Variants in WDR7 observed in about 807,000 individuals in gnomAD.
The protein encoded by WDR7 is WD repeat domain 7.
WDR7 carries 46 observed loss-of-function variants against 169.4 expected under a neutral mutation model. The observed-to-expected ratio is 0.27, with a 90% confidence interval of 0.21 to 0.35. The LOEUF is 0.35. Ranked by LOEUF, WDR7 falls within the 10% of genes least tolerant of loss-of-function variation. WDR7 has a pLI of 1.00. For synonymous variants in WDR7, 612 were observed against 666.8 expected, an observed-to-expected ratio of 0.92 and a Z score of 1.27; for missense variants, 1,534 against 1,859.3, an observed-to-expected ratio of 0.83 and a Z score of 3.22.
chr18:56,971,270 A>G lies in WDR7; in HGVS notation c.4164+8741A>G, dbSNP rs2047480719. 1.4e-5 allele frequency among the ~76,000 whole-genome samples: 2 copies of G among 147,370 alleles called. 1 individual carries two copies. The highest frequency in any genetic ancestry group is 4.3e-4 in the South Asian group (2 of 4,606). On this transcript the variant is annotated intron_variant, in intron 26 of 27. Coordinates refer to ENST00000254442, the MANE Select transcript of WDR7 (RefSeq NM_015285.3). Reference sequence around the variant, plus strand: ...CTCCAGCCTGAGCGACAAGAGCGAAATTCTGTCTCCCAAAAAAAAAAAAAA... The same window carrying G: ...CTCCAGCCTGAGCGACAAGAGCGAAGTTCTGTCTCCCAAAAAAAAAAAAAA...
chr18:56,685,690 C>G (rs983890319), intron 5 of WDR7, among the ~76,000 whole-genome samples: 1 of 152,108 alleles, frequency 6.6e-6, no homozygotes. Context: ...TAATCAAGAA[C>G]ATTTGAAATT....
chr18:56,952,583 T>C (rs1387698618), intron 25 of WDR7, among the ~76,000 whole-genome samples: 1 of 152,208 alleles, frequency 6.6e-6, no homozygotes, highest in Non-Finnish European at 1.5e-5. Flanking sequence ...TCAATTAATA[T>C]GGAAAGTAAA....
chr18:56,780,673 G>A (rs900530248), intron 18 of WDR7, among the ~76,000 whole-genome samples: 2 of 152,116 alleles, frequency 1.3e-5, no homozygotes, highest in African/African-American at 4.8e-5. Flanking sequence ...GGTGGCATAC[G>A]CCTGTAGTCC....
At chr18:56,738,978 C>T (rs1389808152) in intron 14 of WDR7, among the ~76,000 whole-genome samples, 1 of 151,610 alleles carries the variant, frequency 6.6e-6, no homozygotes, top group South Asian at 2.1e-4. Flanking sequence ...ATATTATCCA[C>T]ATTTACTTCC....
At chr18:57,020,644 T>G (rs1568316977) in intron 26 of WDR7, 101 bp from the exon 27 acceptor site, 1 of 1,026,028 alleles carries the variant, frequency 9.7e-7, no homozygotes, top group Non-Finnish European at 1.5e-6. Flanking sequence ...CAGCATCTAA[T>G]ACCCATGACG....
At chr18:56,760,789 G>C (rs950596360) in intron 16 of WDR7, among the ~76,000 whole-genome samples, 4 of 152,152 alleles carry the variant, frequency 2.6e-5, no homozygotes, top group African/African-American at 9.7e-5. Context: ...AATGGCTAAA[G>C]TGAAAAAGAG....
At chr18:56,678,103 C>T (rs1220848264) in intron 2 of WDR7, among the ~76,000 whole-genome samples, 1 of 152,146 alleles carries the variant, frequency 6.6e-6, no homozygotes, top group African/African-American at 2.4e-5. Context: ...AGAATTTCTG[C>T]CAGATTCTTT....
chr18:56,796,045 C>T (rs1247133377), intron 19 of WDR7, among the ~76,000 whole-genome samples: 1 of 152,092 alleles, frequency 6.6e-6, no homozygotes, highest in East Asian at 1.9e-4. Flanking sequence ...ATTTTTTTAC[C>T]TGGAAATCAC....
intron 25 of WDR7, among the ~76,000 whole-genome samples, chr18:56,941,853 C>T (rs2047039310): frequency 1.3e-5 from 2 of 152,132 alleles, no homozygotes; most frequent in Admixed American, 6.5e-5. Context: ...CCCATCTGAG[C>T]GAGAGTGTCT....
At chr18:56,981,605 G>C (rs2047646142) in intron 26 of WDR7, among the ~76,000 whole-genome samples, 1 of 152,172 alleles carries the variant, frequency 6.6e-6, no homozygotes, top group Admixed American at 6.5e-5. Flanking sequence ...CATGAGAAAA[G>C]TCAGAATGTG....
At position 57,027,485 on chromosome 18, in the gene WDR7, T is replaced by G; in HGVS notation, c.*278T>G. 4.2e-6 allele frequency: 2 copies of G among 473,146 alleles called. No individual in the cohort carries two copies. 29.3% of individuals were successfully genotyped at this position (473,146 alleles called of 1,614,324 possible). A position where few individuals can be genotyped will look rare whatever the true frequency, so the allele number is the denominator to read the frequency against. ...AGAGATGGCAGGGGAAAGCCAGTGGTTCCTGGGAACGCTCTTGTTGCTTGG... is the reference window on the plus strand; with the variant it reads ...AGAGATGGCAGGGGAAAGCCAGTGGGTCCTGGGAACGCTCTTGTTGCTTGG... On this transcript the variant is annotated 3_prime_UTR_variant, in exon 28 of 28. Coordinates refer to ENST00000254442, the MANE Select transcript of WDR7 (RefSeq NM_015285.3).
chr18:56,912,466 G>A (rs1159830056), intron 21 of WDR7, among the ~76,000 whole-genome samples: 1 of 152,126 alleles, frequency 6.6e-6, no homozygotes, highest in African/African-American at 2.4e-5. Context: ...CTATATAATT[G>A]TGTACATTCT....
chr18:56,686,722 C>A, intron 6 of WDR7, 133 bp from the exon 7 acceptor site: 2 of 713,540 alleles, frequency 2.8e-6, no homozygotes, highest in Non-Finnish European at 2.3e-6. Flanking sequence ...ACTACCGTGG[C>A]GCTTACCTGA....
chr18:56,973,968 G>A (rs2047527977), intron 26 of WDR7, among the ~76,000 whole-genome samples: 1 of 152,194 alleles, frequency 6.6e-6, no homozygotes, highest in Non-Finnish European at 1.5e-5. Flanking sequence ...GTTTTATGAA[G>A]ATAGTCTTAT....
At chr18:56,866,979 A>G (rs1455232700) in intron 20 of WDR7, among the ~76,000 whole-genome samples, 3 of 152,118 alleles carry the variant, frequency 2.0e-5, no homozygotes, top group Admixed American at 2.0e-4. Context: ...GAAAATATGT[A>G]CATCTATTAT....
chr18:56,859,443 T>A (rs913952059), intron 20 of WDR7, among the ~76,000 whole-genome samples: 2 of 152,158 alleles, frequency 1.3e-5, no homozygotes, highest in Admixed American at 1.3e-4. Flanking sequence ...CAGGTTCTTC[T>A]TTATCCTTGA....
chr18:57,005,772 CCA>C (rs2048048319), intron 26 of WDR7, among the ~76,000 whole-genome samples: 1 of 152,050 alleles, frequency 6.6e-6, no homozygotes, highest in African/African-American at 2.4e-5. Context: ...TTGTCTTGGT[CCA>C]CACACATAAA....
chr18:56,711,653 A>T (rs536017632), intron 12 of WDR7, among the ~76,000 whole-genome samples: 38 of 152,130 alleles, frequency 2.5e-4, no homozygotes, highest in African/African-American at 8.4e-4. Flanking sequence ...TGGCTGGACC[A>T]TATGGCCTTT....
rs1377829185 is a variant in WDR7 at position 56,995,504 on chromosome 18, C to G, written c.4165-25241C>G. 2.0e-5 allele frequency among the ~76,000 whole-genome samples: 3 copies of G among 152,186 alleles called. No homozygotes were observed. In the East Asian group the frequency reaches 5.8e-4, roughly 29 times the overall value. On this transcript the variant is annotated intron_variant, in intron 26 of 27. Coordinates refer to ENST00000254442, the MANE Select transcript of WDR7 (RefSeq NM_015285.3). ...TCACTCATTCTGTATTCAGTAAACACTGCTGAGATTATTTGACATCACAGT... is the reference window on the plus strand; with the variant it reads ...TCACTCATTCTGTATTCAGTAAACAGTGCTGAGATTATTTGACATCACAGT...
Sources: gnomAD v4.1 joint callset for allele counts (sites outside exome capture counted in the v4.1 genomes callset) on GRCh38, gnomAD v4.1.1 for gene constraint, MANE v1.5 for transcripts, NCBI Gene and HGNC (gene_info 2026-07-23, HGNC 2026-07-21) for gene names.